BCOR: variants seen among roughly 807,000 people sequenced by gnomAD.
The protein encoded by BCOR is BCL-6 corepressor.
BCOR carries 10 observed loss-of-function variants against 86.7 expected under a neutral mutation model. The ratio of observed to expected loss-of-function variants is 0.12; its 90% CI spans 0.07 to 0.20. The LOEUF (loss-of-function observed/expected upper bound fraction) is 0.20. Ranked by LOEUF, BCOR falls within the 10% of genes least tolerant of loss-of-function variation. The probability of loss-of-function intolerance (pLI) is 1.00; values close to 1 mark genes in which losing one functional copy is unlikely to be tolerated. For missense variants in BCOR, 1,259 were observed against 1,452.1 expected, an observed-to-expected ratio of 0.87 and a Z score of 2.16; for synonymous variants, 611 against 609.0, an observed-to-expected ratio of 1.00 and a Z score of -0.05.
intron 1 of BCOR, among the ~76,000 whole-genome samples, chrX:40,129,221 C>T (rs959882001): frequency 3.6e-5 from 4 of 111,926 alleles, no homozygotes; most frequent in African/African-American, 1.3e-4. Flanking sequence ...CATGGTGGCT[C>T]ACGCCTATAA....
At chrX:40,129,522 G>C (rs1012816280) in intron 1 of BCOR, among the ~76,000 whole-genome samples, 1 of 110,353 alleles carries the variant, frequency 9.1e-6, no homozygotes, top group Non-Finnish European at 1.9e-5. Context: ...GTCACATAAT[G>C]GGGGGGCCAG....
At chrX:40,085,162 T>G (rs1235581367) in intron 1 of BCOR, among the ~76,000 whole-genome samples, 1 of 113,136 alleles carries the variant, frequency 8.8e-6, no homozygotes, top group Non-Finnish European at 1.9e-5. Context: ...GACGCGCAAA[T>G]GAGGCCTGCC....
chrX:40,064,910 G>A (rs762527276), intron 6 of BCOR, among the ~76,000 whole-genome samples: 13 of 112,141 alleles, frequency 1.2e-4, no homozygotes, highest in Admixed American at 1.9e-4. Context: ...TCAATGCTAC[G>A]TTTTTTAAAG....
intron 1 of BCOR, among the ~76,000 whole-genome samples, chrX:40,113,178 CTTAT>C (rs57583546): frequency 0.084 from 8,479 of 101,487 alleles, 586 homozygotes; most frequent in African/African-American, 0.19. Flanking sequence ...CTAGAAAGAT[CTTAT>C]TTATTTATTT....
At chrX:40,064,742 T>G in intron 6 of BCOR, 143 bp from the exon 7 acceptor site, 1 of 644,851 alleles carries the variant, frequency 1.6e-6, no homozygotes, top group Non-Finnish European at 2.4e-6. Flanking sequence ...TCCTCACACA[T>G]GGTTAGCACA....
intron 1 of BCOR, among the ~76,000 whole-genome samples, chrX:40,176,555 C>T (rs1400620059): frequency 8.9e-6 from 1 of 112,875 alleles, no homozygotes; most frequent in Non-Finnish European, 1.9e-5. Flanking sequence ...CGGTTCCGCT[C>T]TCGCCCCGGG....
At chrX:40,101,465 CG>C (rs1223683301), upstream of BCOR, among the ~76,000 whole-genome samples, 3 of 113,135 alleles carry the variant, frequency 2.7e-5, no homozygotes, top group Non-Finnish European at 3.8e-5. Flanking sequence ...GATGGAGCAG[CG>C]GGGGCTGCCC....
intron 1 of BCOR, among the ~76,000 whole-genome samples, chrX:40,096,228 C>T (rs1324822865): frequency 8.9e-6 from 1 of 111,961 alleles, no homozygotes; most frequent in Non-Finnish European, 1.9e-5. Flanking sequence ...CTTTCACACG[C>T]CCATCAGGGC....
intron 1 of BCOR, among the ~76,000 whole-genome samples, chrX:40,080,427 G>A (rs1162706348): frequency 3.6e-5 from 4 of 110,953 alleles, no homozygotes; most frequent in Non-Finnish European, 7.5e-5. Context: ...GGCAACAAGA[G>A]CAAAACTCAA....
At chrX:40,134,683 G>A (rs1167473856) in intron 1 of BCOR, among the ~76,000 whole-genome samples, 1 of 111,735 alleles carries the variant, frequency 8.9e-6, no homozygotes. Flanking sequence ...GCTAGGATTA[G>A]TTACAGAAGA....
intron 1 of BCOR, among the ~76,000 whole-genome samples, chrX:40,083,211 C>A (rs1461701614): frequency 1.8e-5 from 2 of 110,953 alleles, no homozygotes. Flanking sequence ...GAGTAAGATA[C>A]CCCAAGGCTG....
intron 1 of BCOR, among the ~76,000 whole-genome samples, chrX:40,154,638 C>A (rs911268906): frequency 1.8e-5 from 2 of 108,805 alleles, no homozygotes; most frequent in African/African-American, 3.4e-5. Flanking sequence ...GGAACACCCA[C>A]GTCCACTGCA....
intron 6 of BCOR, 74 bp downstream of exon 6, chrX:40,070,899 A>T: frequency 1.9e-6 from 2 of 1,039,224 alleles, no homozygotes; most frequent in Non-Finnish European, 2.7e-6. Context: ...TGCATGGCAA[A>T]AGCAGCCCAT....
chrX:40,083,001 G>A (rs1366678771), intron 1 of BCOR, among the ~76,000 whole-genome samples: 1 of 109,289 alleles, frequency 9.2e-6, no homozygotes, highest in Admixed American at 9.7e-5. Context: ...CTCACCACCC[G>A]CCAGCCCTTC....
chrX:40,088,950 G>A (rs1936479110), intron 1 of BCOR, among the ~76,000 whole-genome samples: 2 of 112,027 alleles, frequency 1.8e-5, no homozygotes, highest in South Asian at 7.4e-4. Flanking sequence ...GGGGGTGGAG[G>A]GGAGAAGCAA....
At position 40,063,110 on chromosome X, in the gene BCOR, G is replaced by GGGGT. The variant is rs1569147512; in HGVS notation, c.3848-40_3848-39insACCC. On this transcript the variant is annotated intron_variant, in intron 8 of 14. Transcript: ENST00000378444. ...GGGTGACGGGGTGGCGGGCGGATGGGAGACGGGAGAAGAAGCGGGCGTTAC... is the reference window on the plus strand; with the variant it reads ...GGGTGACGGGGTGGCGGGCGGATGGGGGGTAGACGGGAGAAGAAGCGGGCGTTAC... 1.7e-5 allele frequency: 11 copies of GGGGT among 644,529 alleles called. No individual in the cohort carries two copies. In the East Asian group the frequency reaches 2.3e-4, roughly 13 times the overall value. 53.1% of individuals were successfully genotyped at this position (644,529 alleles called of 1,213,427 possible).
In BCOR at chrX:40,080,975, G is replaced by GCA. The variant is rs1188244446; in HGVS notation, c.-40-3008_-40-3007dup. On this transcript the variant is annotated intron_variant, in intron 1 of 14. Coordinates refer to ENST00000378444, the MANE Select transcript of BCOR (RefSeq NM_001123385.2). Reference sequence around the variant, plus strand: ...CACACACGTGCACGCACGCACACGCGCACACACACACGCGCACACACACAC... The same window carrying GCA: ...CACACACGTGCACGCACGCACACGCGCACACACACACACGCGCACACACACAC... Among the ~76,000 whole-genome samples the GCA allele has an allele frequency of 2.6e-4, 9 of 34,534 alleles. No homozygotes were observed. The East Asian group carries it at 4.9e-3, about 19-fold the overall frequency. The allele number at this position is 34,534 out of a possible 115,157, so 30.0% of individuals were successfully genotyped here. A position where few individuals can be genotyped will look rare whatever the true frequency, so the allele number is the denominator to read the frequency against.
chrX:40,090,223 C>A (rs1035666957), intron 1 of BCOR, among the ~76,000 whole-genome samples: 7 of 113,059 alleles, frequency 6.2e-5, no homozygotes, highest in African/African-American at 2.2e-4. Flanking sequence ...TGCGAAATGG[C>A]TCCGCAGTGC....
chrX:40,139,392 T>C (rs1247492251), intron 1 of BCOR, among the ~76,000 whole-genome samples: 10 of 9,136 alleles, frequency 1.1e-3, no homozygotes, highest in African/African-American at 8.3e-3. Context: ...ATAATATATA[T>C]ACATATATAT....
Sources: gnomAD v4.1 joint callset for allele counts (sites outside exome capture counted in the v4.1 genomes callset) on GRCh38, gnomAD v4.1.1 for gene constraint, MANE v1.5 for transcripts, NCBI Gene and HGNC (gene_info 2026-07-23, HGNC 2026-07-21) for gene names.